Variants in LRRC7 observed in about 807,000 individuals in gnomAD.
The protein encoded by LRRC7 is leucine rich repeat containing 7.
A neutral mutation model predicts 175.7 loss-of-function variants in LRRC7; 23 were observed. The ratio of observed to expected loss-of-function variants is 0.13; its 90% CI spans 0.09 to 0.19. The LOEUF is 0.19. Among genes scored for constraint, LRRC7 ranks in the 10% least tolerant of loss-of-function variants. LRRC7 has a pLI of 1.00. For missense variants in LRRC7, 1,354 were observed against 1,904.7 expected, an observed-to-expected ratio of 0.71 and a Z score of 5.38; for synonymous variants, 685 against 680.9, an observed-to-expected ratio of 1.01 and a Z score of -0.09.
At chr1:69,861,437 G>A (rs1427472560) in intron 7 of LRRC7, among the ~76,000 whole-genome samples, 1 of 152,088 alleles carries the variant, frequency 6.6e-6, no homozygotes, top group African/African-American at 2.4e-5. Context: ...GGTGACAAAA[G>A]AATATCAAAT....
chr1:69,995,974 G>A (rs1177553267), intron 11 of LRRC7, among the ~76,000 whole-genome samples: 9 of 149,088 alleles, frequency 6.0e-5, no homozygotes, highest in East Asian at 4.0e-4. Context: ...CTGAGGAATC[G>A]CCACACTGAC....
chr1:69,876,833 A>G (rs1686087343), intron 7 of LRRC7, among the ~76,000 whole-genome samples: 1 of 152,174 alleles, frequency 6.6e-6, no homozygotes, highest in African/African-American at 2.4e-5. Context: ...GCTGTTTAGA[A>G]GCTTAAGGTC....
chr1:70,074,853 T>G (rs1288401446), intron 23 of LRRC7, among the ~76,000 whole-genome samples: 1 of 151,854 alleles, frequency 6.6e-6, no homozygotes, highest in African/African-American at 2.4e-5. Context: ...TATGTTGCTC[T>G]TCTTTAAAAA....
chr1:69,961,766 A>T (rs963284512), intron 8 of LRRC7, among the ~76,000 whole-genome samples: 1 of 152,260 alleles, frequency 6.6e-6, no homozygotes, highest in Non-Finnish European at 1.5e-5. Flanking sequence ...TGGTGCTGGG[A>T]TAACTGGCTA....
chr1:70,070,192 G>A (rs1041632345), intron 23 of LRRC7, among the ~76,000 whole-genome samples: 9 of 151,840 alleles, frequency 5.9e-5, no homozygotes, highest in Admixed American at 1.3e-4. Context: ...ACAGCGTTTC[G>A]CCGTGTTGCC....
intron 7 of LRRC7, among the ~76,000 whole-genome samples, chr1:69,867,642 G>A (rs999066508): frequency 1.3e-5 from 2 of 152,146 alleles, no homozygotes; most frequent in African/African-American, 4.8e-5. Flanking sequence ...AATGGCAGTG[G>A]AATGTGGAAT....
intron 7 of LRRC7, among the ~76,000 whole-genome samples, chr1:69,857,032 A>C (rs1312422222): frequency 2.6e-5 from 4 of 152,196 alleles, no homozygotes; most frequent in Admixed American, 6.6e-5. Flanking sequence ...ATCTCAATAG[A>C]TGCAGAAAAG....
intron 3 of LRRC7, among the ~76,000 whole-genome samples, chr1:69,785,478 C>T (rs1452802527): frequency 6.6e-6 from 1 of 152,012 alleles, no homozygotes; most frequent in Non-Finnish European, 1.5e-5. Context: ...GAAATTAATC[C>T]ATTTTTACTG....
chr1:69,662,019 A>G (rs1416451423), intron 1 of LRRC7, among the ~76,000 whole-genome samples: 1 of 152,132 alleles, frequency 6.6e-6, no homozygotes, highest in Non-Finnish European at 1.5e-5. Flanking sequence ...TGAGCAGAAC[A>G]GTTTTTTCAT....
chr1:70,011,620 T>C (rs1461004069), intron 11 of LRRC7, among the ~76,000 whole-genome samples, 177 bp from the exon 12 acceptor site: 1 of 152,202 alleles, frequency 6.6e-6, no homozygotes, highest in Non-Finnish European at 1.5e-5. Context: ...ATATTTATTT[T>C]ACCAAGTTAA....
chr1:69,859,439 C>T (rs1684125132), intron 7 of LRRC7, among the ~76,000 whole-genome samples: 1 of 152,006 alleles, frequency 6.6e-6, no homozygotes. Flanking sequence ...AGCTTTATTA[C>T]ATTAATTTAT....
intron 14 of LRRC7, among the ~76,000 whole-genome samples, chr1:70,016,754 CT>C (rs1424101720): frequency 1.3e-5 from 2 of 152,112 alleles, no homozygotes; most frequent in East Asian, 3.9e-4. Flanking sequence ...TATTTAACAT[CT>C]ACTTAATTCT....
chr1:69,645,379 G>T (rs1654862506), intron 1 of LRRC7, among the ~76,000 whole-genome samples: 1 of 151,966 alleles, frequency 6.6e-6, no homozygotes, highest in Admixed American at 6.6e-5. Flanking sequence ...CCATATAGAG[G>T]CTCAGGCCTT....
intron 6 of LRRC7, among the ~76,000 whole-genome samples, chr1:69,835,277 T>C (rs1680975617): frequency 6.6e-6 from 1 of 151,700 alleles, no homozygotes; most frequent in African/African-American, 2.4e-5. Flanking sequence ...AAATCAAAGA[T>C]TTAAGGTAAA....
chr1:69,709,787 G>C (rs957711725), intron 2 of LRRC7, among the ~76,000 whole-genome samples: 1 of 152,138 alleles, frequency 6.6e-6, no homozygotes, highest in Non-Finnish European at 1.5e-5. Context: ...TATTGAGTAT[G>C]AGTTATAGTT....
intron 8 of LRRC7, among the ~76,000 whole-genome samples, chr1:69,949,410 A>G (rs892519645): frequency 2.8e-4 from 42 of 152,076 alleles, no homozygotes; most frequent in African/African-American, 2.4e-5. Context: ...TGTCTCGACT[A>G]AAAATACAAA....
intron 7 of LRRC7, among the ~76,000 whole-genome samples, chr1:69,858,068 C>A (rs908430351): frequency 6.6e-6 from 1 of 152,116 alleles, no homozygotes; most frequent in Admixed American, 6.6e-5. Context: ...ATGTAGAAAG[C>A]TGAAACTGGA....
chr1:69,695,026 G>T lies in LRRC7; in HGVS notation c.100+16548G>T, dbSNP rs116061523. Among the ~76,000 whole-genome samples the T allele has an allele frequency of 2.0e-3, 305 of 152,316 alleles. 1 individual carries two copies. Among genetic ancestry groups the T allele is most frequent in the African/African-American group, 6.9e-3 (285 of 41,566 alleles). On this transcript the variant is annotated intron_variant, in intron 2 of 26. Coordinates refer to ENST00000651989, the MANE Select transcript of LRRC7 (RefSeq NM_001370785.2). The stretch of plus-strand genomic sequence containing the variant: ...GTTCGGAACTGGATAATAGGCAGAG[G>T]TTGGAAGAGTTTGGAGACCTTGAAA...
intron 1 of LRRC7, among the ~76,000 whole-genome samples, chr1:69,591,532 G>A (rs1317516885): frequency 2.0e-5 from 3 of 151,982 alleles, no homozygotes; most frequent in Non-Finnish European, 2.9e-5. Flanking sequence ...TAGTAAAACC[G>A]ATAGCTTCCG....
Sources: allele counts gnomAD v4.1 joint callset (sites outside exome capture counted in the v4.1 genomes callset), GRCh38; gene constraint gnomAD v4.1.1; transcripts MANE v1.5; gene names NCBI Gene and HGNC (gene_info 2026-07-23, HGNC 2026-07-21).